The following CSRNP3 variants were observed in gnomAD, a reference collection of about 807,000 sequenced individuals.
The protein encoded by CSRNP3 is cysteine and serine rich nuclear protein 3.
A neutral mutation model predicts 48.0 loss-of-function variants in CSRNP3; 12 were observed. That is an observed-to-expected ratio of 0.25 (90% CI 0.16 to 0.41). CSRNP3 has a LOEUF of 0.41. CSRNP3 is among the 10% of genes least tolerant of loss of function. The pLI, the probability that CSRNP3 is intolerant of heterozygous loss-of-function variation, is 1.00. For synonymous variants in CSRNP3, 263 were observed against 269.7 expected, an observed-to-expected ratio of 0.98 and a Z score of 0.24; for missense variants, 580 against 724.4, an observed-to-expected ratio of 0.80 and a Z score of 2.29.
chr2:165,589,573 T>C (rs1166642040), intron 3 of CSRNP3, among the ~76,000 whole-genome samples: 1 of 152,182 alleles, frequency 6.6e-6, no homozygotes, highest in Non-Finnish European at 1.5e-5. Flanking sequence ...TAGCAAACAG[T>C]TCCTCACTTC....
intron 3 of CSRNP3, among the ~76,000 whole-genome samples, chr2:165,528,713 T>A (rs72877724): frequency 0.17 from 26,486 of 152,248 alleles, 2,496 homozygotes; most frequent in Non-Finnish European, 0.19. Flanking sequence ...AGTACCATAC[T>A]GTTTTTACTA....
At chr2:165,604,817 T>G (rs1427611566) in intron 4 of CSRNP3, among the ~76,000 whole-genome samples, 3 of 152,170 alleles carry the variant, frequency 2.0e-5, no homozygotes, top group Non-Finnish European at 4.4e-5. Context: ...TACAGTTCAT[T>G]TAGTTCTTGT....
At chr2:165,555,617 C>T (rs1454412506) in intron 3 of CSRNP3, among the ~76,000 whole-genome samples, 1 of 152,174 alleles carries the variant, frequency 6.6e-6, no homozygotes. Context: ...ACTTTGCCTA[C>T]TCATTGATGG....
At chr2:165,588,053 T>G (rs143889627) in intron 3 of CSRNP3, among the ~76,000 whole-genome samples, 102 of 152,350 alleles carry the variant, frequency 6.7e-4, no homozygotes, top group Middle Eastern at 3.4e-3. Context: ...TGTATTTTTT[T>G]ATCAGGAGAT....
chr2:165,600,216 G>A (rs1412982144), intron 4 of CSRNP3, among the ~76,000 whole-genome samples: 14 of 144,708 alleles, frequency 9.7e-5, no homozygotes, highest in Non-Finnish European at 1.4e-4. Flanking sequence ...AGTTTACTGA[G>A]AATGATGATT....
chr2:165,676,814 A>G (rs1214815380), intron 6 of CSRNP3, among the ~76,000 whole-genome samples: 2 of 152,238 alleles, frequency 1.3e-5, no homozygotes, highest in East Asian at 1.9e-4. Flanking sequence ...TAAAATGCTT[A>G]TACATATAAC....
At chr2:165,674,152 G>A (rs557874955) in intron 5 of CSRNP3, among the ~76,000 whole-genome samples, 3 of 152,280 alleles carry the variant, frequency 2.0e-5, no homozygotes, top group African/African-American at 7.2e-5. Context: ...AGATTAAGTA[G>A]GAAGTATTAA....
chr2:165,569,955 T>A (rs1367371104), intron 3 of CSRNP3, among the ~76,000 whole-genome samples: 1 of 152,066 alleles, frequency 6.6e-6, no homozygotes, highest in Non-Finnish European at 1.5e-5. Context: ...TTTGTCTGTG[T>A]TGTTAGAATA....
chr2:165,619,842 C>A (rs924360085), intron 4 of CSRNP3, among the ~76,000 whole-genome samples: 1 of 152,040 alleles, frequency 6.6e-6, no homozygotes, highest in Admixed American at 6.5e-5. Flanking sequence ...TAAAAGCTTT[C>A]AAATGTATTA....
chr2:165,553,515 G>A (rs1685124811), intron 3 of CSRNP3, among the ~76,000 whole-genome samples: 1 of 152,140 alleles, frequency 6.6e-6, no homozygotes, highest in African/African-American at 2.4e-5. Context: ...AATATAGGTG[G>A]TAGCCACCAA....
At chr2:165,547,755 CT>C (rs1685051109) in intron 3 of CSRNP3, among the ~76,000 whole-genome samples, 1 of 151,780 alleles carries the variant, frequency 6.6e-6, no homozygotes. Flanking sequence ...TTTTTCTTGA[CT>C]ACAAAATTAA....
At chr2:165,583,300 G>A (rs1182749218) in intron 3 of CSRNP3, among the ~76,000 whole-genome samples, 1 of 152,068 alleles carries the variant, frequency 6.6e-6, no homozygotes, top group South Asian at 2.1e-4. Context: ...GGCACTTTTT[G>A]CTTACTCAGG....
chr2:165,509,664 C>A (rs1409998431), intron 2 of CSRNP3, among the ~76,000 whole-genome samples: 2 of 152,090 alleles, frequency 1.3e-5, no homozygotes, highest in Non-Finnish European at 2.9e-5. Flanking sequence ...ACAGAGAGTT[C>A]CCATGCACCC....
chr2:165,629,780 C>T (rs1287317537), intron 4 of CSRNP3, among the ~76,000 whole-genome samples: 1 of 152,188 alleles, frequency 6.6e-6, no homozygotes, highest in African/African-American at 2.4e-5. Flanking sequence ...GAAATGGTGG[C>T]CTAGCATTAA....
At chr2:165,665,920 A>G (rs1687178200) in intron 5 of CSRNP3, among the ~76,000 whole-genome samples, 1 of 150,010 alleles carries the variant, frequency 6.7e-6, no homozygotes, top group African/African-American at 2.5e-5. Context: ...AAAGAGAGAG[A>G]GGAAGAAAGA....
At chr2:165,677,588 A>C (rs1227411726) in intron 6 of CSRNP3, among the ~76,000 whole-genome samples, 1 of 152,076 alleles carries the variant, frequency 6.6e-6, no homozygotes, top group Non-Finnish European at 1.5e-5. Flanking sequence ...ATGAGTAAAA[A>C]AAAAAAAAAA....
chr2:165,656,387 C>G (rs1687005689), intron 4 of CSRNP3, among the ~76,000 whole-genome samples: 1 of 152,006 alleles, frequency 6.6e-6, no homozygotes, highest in South Asian at 2.1e-4. Flanking sequence ...TCTTGATGTT[C>G]CTGTAACTAA....
At chr2:165,625,398 G>A (rs993771473) in intron 4 of CSRNP3, among the ~76,000 whole-genome samples, 8 of 151,628 alleles carry the variant, frequency 5.3e-5, no homozygotes, top group African/African-American at 1.7e-4. Context: ...AGGCCAAGGT[G>A]GGTGGATCAT....
At chr2:165,528,114 C>A (rs1684764499) in intron 3 of CSRNP3, among the ~76,000 whole-genome samples, 1 of 152,058 alleles carries the variant, frequency 6.6e-6, no homozygotes, top group Non-Finnish European at 1.5e-5. Context: ...ATATTTGTTT[C>A]CCAGTCATAT....
Sources: allele counts gnomAD v4.1 joint callset (sites outside exome capture counted in the v4.1 genomes callset), GRCh38; gene constraint gnomAD v4.1.1; transcripts MANE v1.5; gene names NCBI Gene and HGNC (gene_info 2026-07-23, HGNC 2026-07-21).